Variants in PCDH15 observed in about 807,000 individuals in gnomAD.
PCDH15 encodes the protein protocadherin-15.
In PCDH15, 129 loss-of-function variants were observed where a neutral mutation model predicts 178.5. That is an observed-to-expected ratio of 0.72 (90% CI 0.63 to 0.84). The LOEUF (loss-of-function observed/expected upper bound fraction) is 0.84, where lower values mean the gene tolerates loss of function less well. Among genes scored for constraint, PCDH15 ranks in the 40% least tolerant of loss-of-function variants. PCDH15 has a pLI of 0.00. For missense variants in PCDH15, 2,230 were observed against 2,099.9 expected (o/e 1.06, Z -1.21); for synonymous variants, 800 against 732.0 (o/e 1.09, Z -1.50).
chr10:55,201,620 G>A (rs1039977207), intron 1 of PCDH15, among the ~76,000 whole-genome samples: 3 of 152,252 alleles, frequency 2.0e-5, no homozygotes, highest in Middle Eastern at 3.4e-3. Flanking sequence ...CTTTTGCTCT[G>A]ATGTAGTGGT....
chr10:55,366,354 T>A (rs926327246), intron 2 of PCDH15: 2 of 152,088 alleles, frequency 1.3e-5, no homozygotes, highest in Admixed American at 1.3e-4. Flanking sequence ...TATTTTTATA[T>A]TTATTTGTAG....
chr10:54,776,175 GAT>G (rs1394988190), intron 1 of PCDH15, among the ~76,000 whole-genome samples: 1 of 152,082 alleles, frequency 6.6e-6, no homozygotes, highest in African/African-American at 2.4e-5. Context: ...GTCATCCACT[GAT>G]AGACATTTAG....
At chr10:54,693,318 T>C (rs1235348394) in intron 1 of PCDH15, among the ~76,000 whole-genome samples, 1 of 152,076 alleles carries the variant, frequency 6.6e-6, no homozygotes, top group Non-Finnish European at 1.5e-5. Context: ...GCCCTTTATA[T>C]GAAGCTTAAC....
intron 21 of PCDH15, among the ~76,000 whole-genome samples, chr10:53,974,363 C>T (rs1487240419): frequency 6.6e-6 from 1 of 151,886 alleles, no homozygotes; most frequent in Non-Finnish European, 1.5e-5. Flanking sequence ...TTTTGTTTTC[C>T]ATTAGATAAA....
At chr10:54,584,169 G>A (rs921015950) in intron 2 of PCDH15, among the ~76,000 whole-genome samples, 1 of 151,992 alleles carries the variant, frequency 6.6e-6, no homozygotes, top group Non-Finnish European at 1.5e-5. Context: ...AATGACTTGA[G>A]CTCAGGAATT....
At chr10:55,043,740 AAAAT>A (rs35091052) in intron 2 of PCDH15, among the ~76,000 whole-genome samples, 1 of 142,946 alleles carries the variant, frequency 7.0e-6, no homozygotes, top group Non-Finnish European at 1.5e-5. Flanking sequence ...ATAAATAAAT[AAAAT>A]AAATAAATAA....
At chr10:55,426,310 C>T (rs950461960) in intron 2 of PCDH15, among the ~76,000 whole-genome samples, 3 of 152,080 alleles carry the variant, frequency 2.0e-5, no homozygotes, top group Non-Finnish European at 4.4e-5. Context: ...GCCAGTGAGG[C>T]GTGAACAGGA....
In PCDH15 at chr10:54,788,561, C is replaced by G. The variant is rs116087073; in HGVS notation, c.-29+12364G>C. On this transcript the variant is annotated intron_variant, in intron 1 of 37. Coordinates refer to ENST00000644397, the MANE Select transcript of PCDH15 (RefSeq NM_001384140.1). ...AAGAAAGTATATCTGAGAACATTAA[C>G]GTGTGAGATATACATAGAGTAAGAA... Among the ~76,000 whole-genome samples the G allele has an allele frequency of 4.4e-3, 674 of 151,954 alleles. 4 individuals are homozygous for G. The highest frequency in any genetic ancestry group is 0.016 in the African/African-American group (648 of 41,504).
chr10:54,347,105 A>G (rs1003997234), intron 5 of PCDH15, among the ~76,000 whole-genome samples: 3 of 152,200 alleles, frequency 2.0e-5, no homozygotes, highest in Admixed American at 6.5e-5. Context: ...TGTGGCATAC[A>G]AAACCATGAT....
At chr10:55,377,217 A>C (rs1249212355) in intron 2 of PCDH15, among the ~76,000 whole-genome samples, 1 of 151,606 alleles carries the variant, frequency 6.6e-6, no homozygotes. Flanking sequence ...TAAGTGTCCA[A>C]GGCAAACTAT....
At chr10:55,025,043 C>A (rs1439969579) in intron 2 of PCDH15, among the ~76,000 whole-genome samples, 1 of 152,084 alleles carries the variant, frequency 6.6e-6, no homozygotes. Flanking sequence ...AAATCTAAAT[C>A]CTTTAGGAGG....
chr10:55,351,853 G>A (rs930939418), intron 2 of PCDH15, among the ~76,000 whole-genome samples: 12 of 152,098 alleles, frequency 7.9e-5, no homozygotes, highest in African/African-American at 2.9e-4. Context: ...ATCTCTGCGT[G>A]TTCCTGAATG....
intron 13 of PCDH15, among the ~76,000 whole-genome samples, chr10:54,167,273 A>T (rs1282419901): frequency 6.6e-6 from 1 of 152,146 alleles, no homozygotes; most frequent in Admixed American, 6.5e-5. Context: ...ATTTCAAATC[A>T]GGTAAGCGGC....
chr10:54,318,564 T>C (rs1004341957), intron 7 of PCDH15, among the ~76,000 whole-genome samples: 4 of 152,208 alleles, frequency 2.6e-5, no homozygotes, highest in African/African-American at 9.6e-5. Flanking sequence ...TAATGTCAGT[T>C]TTCTGTTTCA....
chr10:53,863,975 G>A lies in PCDH15; in HGVS notation c.3717+2667C>T, dbSNP rs11003890. The stretch of plus-strand genomic sequence containing the variant: ...TATTTTTCTGTGAAATAGCATGCCA[G>A]TTAATCAGGCCATAGTGAGAATGAG... On this transcript the variant is annotated intron_variant, in intron 27 of 37. Transcript: ENST00000644397. 7.3e-3 allele frequency among the ~76,000 whole-genome samples: 1,112 copies of A among 152,240 alleles called. 74 individuals are homozygous for A. The East Asian group carries it at 0.15, about 21-fold the overall frequency.
intron 13 of PCDH15, among the ~76,000 whole-genome samples, chr10:54,155,522 T>A (rs1174455073): frequency 6.6e-6 from 1 of 152,136 alleles, no homozygotes; most frequent in African/African-American, 2.4e-5. Context: ...AATAATGGGT[T>A]ATGAGTCAAT....
chr10:54,112,932 T>A (rs1394809393), intron 15 of PCDH15, among the ~76,000 whole-genome samples: 1 of 152,164 alleles, frequency 6.6e-6, no homozygotes, highest in Non-Finnish European at 1.5e-5. Context: ...AAGTTTTCAG[T>A]CTCTTGAGAA....
intron 2 of PCDH15, among the ~76,000 whole-genome samples, chr10:54,898,837 T>A (rs1954590412): frequency 6.6e-6 from 1 of 152,122 alleles, no homozygotes; most frequent in Non-Finnish European, 1.5e-5. Context: ...ATTTAAAAAA[T>A]ACAAAACTGG....
intron 1 of PCDH15, among the ~76,000 whole-genome samples, chr10:55,253,484 T>C (rs1592023324): frequency 1.3e-5 from 2 of 152,306 alleles, no homozygotes; most frequent in South Asian, 2.1e-4. Flanking sequence ...TTACTAATTG[T>C]TATCATAGTT....
Sources: allele counts gnomAD v4.1 joint callset (sites outside exome capture counted in the v4.1 genomes callset), GRCh38; gene constraint gnomAD v4.1.1; transcripts MANE v1.5; gene names NCBI Gene and HGNC (gene_info 2026-07-23, HGNC 2026-07-21).